The following EBF3 variants were observed in gnomAD, a reference collection of about 807,000 sequenced individuals.
EBF3 encodes transcription factor COE3.
In EBF3, 18 loss-of-function variants were observed where a neutral mutation model predicts 77.1. That is an observed-to-expected ratio of 0.23 (90% CI 0.16 to 0.35). EBF3 has a LOEUF of 0.35. Among genes scored for constraint, EBF3 ranks in the 10% least tolerant of loss-of-function variants. The probability of loss-of-function intolerance (pLI) is 1.00; values close to 1 mark genes in which losing one functional copy is unlikely to be tolerated. For synonymous variants in EBF3, 350 were observed against 343.5 expected (o/e 1.02, Z -0.21); for missense variants, 558 against 860.0 (o/e 0.65, Z 4.39).
intron 6 of EBF3, among the ~76,000 whole-genome samples, chr10:129,919,228 T>C (rs1192863053): frequency 1.3e-5 from 2 of 152,060 alleles, no homozygotes; most frequent in African/African-American, 2.4e-5. Context: ...TCGGAACATA[T>C]CACTGGAAAA....
intron 6 of EBF3, 101 bp downstream of exon 6, chr10:129,957,157 G>A (rs918441269): frequency 3.0e-5 from 32 of 1,061,724 alleles, no homozygotes; most frequent in Middle Eastern, 2.1e-4. Flanking sequence ...AGATGGGCTC[G>A]ACACCAGCCT....
rs1037327112 is a variant in EBF3, at chr10:129,842,077, G to T, written c.1372+39C>A. On this transcript the variant is annotated intron_variant, in intron 13 of 16. Transcript: ENST00000440978. The surrounding 1 kb of genome is among the most constrained non-coding windows in gnomAD (Gnocchi z 4.4). ...CTAAGGCCTCAACCAACCCTCGGAG[G>T]GCGTTCAGGGCAGGGGTCCTCCCAG... is the stretch of plus-strand genomic sequence containing the variant. 4.3e-6 allele frequency: 7 copies of T among 1,613,398 alleles called. No individual in the cohort carries two copies. Among genetic ancestry groups the T allele is most frequent in the Admixed American group, 1.7e-5 (1 of 59,958 alleles).
chr10:129,889,211 C>G (rs1853834179), intron 6 of EBF3, among the ~76,000 whole-genome samples: 1 of 152,264 alleles, frequency 6.6e-6, no homozygotes, highest in African/African-American at 2.4e-5. Context: ...CAGAGAAGAC[C>G]CCAACGCCCC....
chr10:129,950,462 C>T (rs758076422), intron 6 of EBF3, among the ~76,000 whole-genome samples: 1 of 152,180 alleles, frequency 6.6e-6, no homozygotes, highest in Admixed American at 6.5e-5. Flanking sequence ...CCCTATACCC[C>T]TCCCTGCAGT....
intron 8 of EBF3, 122 bp downstream of exon 8, chr10:129,873,330 G>T: frequency 1.7e-6 from 2 of 1,194,850 alleles, no homozygotes; most frequent in Non-Finnish European, 2.2e-6. Context: ...TCCTGCCTTG[G>T]TGCAGGAGGT....
chr10:129,839,395 A>G (rs61874499), intron 15 of EBF3, among the ~76,000 whole-genome samples, 200 bp from the exon 16 acceptor site: 13,773 of 152,250 alleles, frequency 0.09, 911 homozygotes, highest in East Asian at 0.31. Context: ...GCCTGGGGGC[A>G]CCCATGTGGC....
chr10:129,905,559 G>A (rs1236821819), intron 6 of EBF3, among the ~76,000 whole-genome samples: 1 of 152,142 alleles, frequency 6.6e-6, no homozygotes. Context: ...GGAGCAGGCT[G>A]GGTCTCTCCA....
intron 16 of EBF3, 113 bp from the exon 17 acceptor site, chr10:129,838,073 G>T: frequency 7.7e-7 from 1 of 1,297,600 alleles, no homozygotes; most frequent in Non-Finnish European, 1.1e-6. Flanking sequence ...GGCTGGTCTT[G>T]CACAGTTCCG....
Position 129,848,584 on chromosome 10 carries a change from T to C in EBF3, c.1040-104A>G. 1 of 1,269,130 alleles carries C rather than the reference T, an allele frequency of 7.9e-7. No individual in the cohort carries two copies. The highest frequency in any genetic ancestry group is 1.2e-5 in the South Asian group (1 of 83,192). The allele number at this position is 1,269,130 out of a possible 1,614,324, so 78.6% of individuals were successfully genotyped here. ...TAAATGTGTAGTTCTCCTGCTCTGA[T>C]GCTCTCTAAGGCAAGCACCCCTGAA... On this transcript the variant is annotated intron_variant, in intron 10 of 16. Transcript: ENST00000440978. The surrounding 1 kb of genome is among the most constrained non-coding windows in gnomAD (Gnocchi z 4.4).
rs1435231100 is a variant in EBF3, at chr10:129,879,847, C to A, written c.555-1998G>T. Among the ~76,000 whole-genome samples, 1 of 152,222 alleles carries A rather than the reference C, an allele frequency of 6.6e-6. No homozygotes were observed. The highest frequency in any genetic ancestry group is 2.4e-5 in the African/African-American group (1 of 41,456). ...CAAGGTGAGGGCGCCACCAAGTTATCGTCCTGTCAGGCAATTAGGTTTTCA... is the reference window on the plus strand; with the variant it reads ...CAAGGTGAGGGCGCCACCAAGTTATAGTCCTGTCAGGCAATTAGGTTTTCA... On this transcript the variant is annotated intron_variant, in intron 6 of 16. Coordinates refer to ENST00000440978, the MANE Select transcript of EBF3 (RefSeq NM_001375380.1). This position sits in a 1 kb window ranked among gnomAD's most constrained non-coding sequence, Gnocchi z 4.7.
chr10:129,942,405 C>T (rs1166872245), intron 6 of EBF3, among the ~76,000 whole-genome samples: 1 of 152,212 alleles, frequency 6.6e-6, no homozygotes, highest in Non-Finnish European at 1.5e-5. Flanking sequence ...GAAAGGCCTA[C>T]AGTTAGGTAA....
intron 8 of EBF3, among the ~76,000 whole-genome samples, chr10:129,872,040 A>G (rs183593724): frequency 1.3e-4 from 20 of 152,338 alleles, no homozygotes; most frequent in Admixed American, 1.2e-3. Context: ...ATGCTTTTTC[A>G]TGCTACTTAC....
chr10:129,838,049 CT>C (rs1318403788), intron 16 of EBF3, 89 bp from the exon 17 acceptor site: 28 of 1,512,554 alleles, frequency 1.9e-5, no homozygotes, highest in Middle Eastern at 1.7e-4. Context: ...CCCTTCCCCC[CT>C]ATTCAACTGG....
rs1241375838 is a variant in EBF3 at position 129,865,692 on chromosome 10, G to A, written c.1039+1449C>T. Among the ~76,000 whole-genome samples the A allele has an allele frequency of 2.0e-5, 3 of 152,206 alleles. 1 individual carries two copies. Among genetic ancestry groups the A allele is most frequent in the South Asian group, 4.1e-4 (2 of 4,828 alleles). On this transcript the variant is annotated intron_variant, in intron 10 of 16. Coordinates refer to ENST00000440978, the MANE Select transcript of EBF3 (RefSeq NM_001375380.1). ...CTGGGCCTGATGTACAGTGGGCAGC[G>A]GCAGGATTTATATCTTGCCTTTCTT...
intron 6 of EBF3, among the ~76,000 whole-genome samples, chr10:129,902,446 G>A (rs12570945): frequency 0.097 from 14,725 of 151,950 alleles, 943 homozygotes; most frequent in East Asian, 0.22. Flanking sequence ...CTGGGGTTCA[G>A]AAGCATGGCA....
chr10:129,842,118 T>G lies in EBF3; in HGVS notation c.1370A>C (p.Gln457Pro). 1 of 1,614,164 alleles carries G rather than the reference T, an allele frequency of 6.2e-7. No individual in the cohort carries two copies. Among genetic ancestry groups the G allele is most frequent in the Non-Finnish European group, 8.5e-7 (1 of 1,180,024 alleles). The change falls in exon 13 of 17, where the codon CAA becomes CCA. Residue 457 changes from glutamine to proline, a missense_variant and splice_region_variant. Gln to Pro is a moderately conservative substitution (Grantham distance 76). Coordinates refer to ENST00000440978, the MANE Select transcript of EBF3 (RefSeq NM_001375380.1). The surrounding 1 kb of genome is among the most constrained non-coding windows in gnomAD (Gnocchi z 4.4). ...GTCCTCCCAGCATGCTGGCATACCTTGGTCGTTGGCTTGTGACGTCTCTGA... is the reference window on the plus strand; with the variant it reads ...GTCCTCCCAGCATGCTGGCATACCTGGGTCGTTGGCTTGTGACGTCTCTGA... Reference protein sequence around the residue: ...NVSETSQANDQVGYSRNTSSV... With the variant: ...NVSETSQANDPVGYSRNTSSV...
At chr10:129,891,980 C>T (rs976243686) in intron 6 of EBF3, among the ~76,000 whole-genome samples, 10 of 152,236 alleles carry the variant, frequency 6.6e-5, no homozygotes, top group South Asian at 2.1e-4. Context: ...CTTTTCCTCT[C>T]AGCTGACCTG....
In EBF3 at chr10:129,879,416, G is replaced by T. The variant is rs530816330; in HGVS notation, c.555-1567C>A. ...TTCACATGATTTTCTTACGTTCAAG[G>T]TTCCTCGCTGGCAATTAGAATATCA... On this transcript the variant is annotated intron_variant, in intron 6 of 16. Coordinates refer to ENST00000440978, the MANE Select transcript of EBF3 (RefSeq NM_001375380.1). This position sits in a 1 kb window ranked among gnomAD's most constrained non-coding sequence, Gnocchi z 4.7. Among the ~76,000 whole-genome samples the T allele has an allele frequency of 6.6e-6, 1 of 152,202 alleles. No individual in the cohort carries two copies. Among genetic ancestry groups the T allele is most frequent in the South Asian group, 2.1e-4 (1 of 4,804 alleles).
rs910304429 is a variant in EBF3, at chr10:129,943,821, T to G, written c.554+13437A>C. 2.0e-5 allele frequency among the ~76,000 whole-genome samples: 3 copies of G among 152,218 alleles called. No homozygotes were observed. Among genetic ancestry groups the G allele is most frequent in the Non-Finnish European group, 4.4e-5 (3 of 68,044 alleles). On this transcript the variant is annotated intron_variant, in intron 6 of 16. Transcript: ENST00000440978. This position sits in a 1 kb window ranked among gnomAD's most constrained non-coding sequence, Gnocchi z 8.8. Reference sequence around the variant, plus strand: ...TGGGCTTGATCCTTTTGAGCAGTTTTTTTCTGTGCTGAGCTCTCTGGAACC... The same window carrying G: ...TGGGCTTGATCCTTTTGAGCAGTTTGTTTCTGTGCTGAGCTCTCTGGAACC...
Sources: allele counts gnomAD v4.1 joint callset (sites outside exome capture counted in the v4.1 genomes callset), GRCh38; gene constraint gnomAD v4.1.1; non-coding constraint Gnocchi (gnomAD v3.1); transcripts MANE v1.5; gene names NCBI Gene and HGNC (gene_info 2026-07-23, HGNC 2026-07-21).